Variants in CCDC171 observed in about 807,000 individuals in gnomAD.
CCDC171 encodes coiled-coil domain containing 171.
Under a neutral mutation model 168.2 loss-of-function variants are expected in CCDC171, and 177 were observed. That is an observed-to-expected ratio of 1.05 (90% CI 0.93 to 1.19). CCDC171 has a LOEUF of 1.19. CCDC171 is among the 50% of genes most tolerant of loss of function. The pLI is 0.00. For synonymous variants in CCDC171, 687 were observed against 540.8 expected (o/e 1.27, Z -3.75); for missense variants, 1,991 against 1,539.0 (o/e 1.29, Z -4.91).
At chr9:15,686,319 A>C (rs922226422) in intron 10 of CCDC171, among the ~76,000 whole-genome samples, 1 of 152,072 alleles carries the variant, frequency 6.6e-6, no homozygotes, top group Non-Finnish European at 1.5e-5. Flanking sequence ...GTGTGACTTT[A>C]GTGATATTCT....
intron 6 of CCDC171, among the ~76,000 whole-genome samples, chr9:15,604,982 A>G (rs963234507): frequency 6.6e-6 from 1 of 152,174 alleles, no homozygotes; most frequent in African/African-American, 2.4e-5. Context: ...CAGCGGGACT[A>G]TCACAGCTCA....
upstream of CCDC171, chr9:16,042,713 G>C (rs996104948): frequency 6.6e-6 from 1 of 152,102 alleles, no homozygotes; most frequent in Non-Finnish European, 1.5e-5. Context: ...GGGTGGTGAT[G>C]GAGTTTATGT....
chr9:15,627,344 TC>T (rs2045236032), intron 7 of CCDC171, among the ~76,000 whole-genome samples: 1 of 152,198 alleles, frequency 6.6e-6, no homozygotes, highest in South Asian at 2.1e-4. Flanking sequence ...CTTAATTTTT[TC>T]TTGCCTTCTG....
At chr9:16,071,373 A>G in the CCDC171 span, among the ~76,000 whole-genome samples, 7 of 152,058 alleles carry the variant, frequency 4.6e-5, no homozygotes, top group Admixed American at 4.6e-4. Flanking sequence ...CCCCTTGTCC[A>G]CTGCTGATCT....
chr9:15,943,999 C>A lies in CCDC171; in HGVS notation c.3753+23577C>A, dbSNP rs556221694. On this transcript the variant is annotated intron_variant, in intron 25 of 25. Coordinates refer to ENST00000380701, the MANE Select transcript of CCDC171 (RefSeq NM_173550.4). ...GAACTATGTGAACCGAAACAGGATG[C>A]CACTAGCCTGTAAGAGAGTAAGGTT... Among the ~76,000 whole-genome samples, 6 of 152,114 alleles carry A rather than the reference C, an allele frequency of 3.9e-5. No homozygotes were observed. The South Asian group carries it at 1.2e-3, about 32-fold the overall frequency.
At position 15,632,989 on chromosome 9, in the gene CCDC171, G is replaced by A. The variant is rs554337949; in HGVS notation, c.822+9576G>A. Among the ~76,000 whole-genome samples, 108 of 152,194 alleles carry A rather than the reference G, an allele frequency of 7.1e-4. 1 individual carries two copies. The highest frequency in any genetic ancestry group is 1.5e-3 in the East Asian group (8 of 5,184). On this transcript the variant is annotated intron_variant, in intron 7 of 25. Transcript: ENST00000380701. ...GCCATATGTAGAAAGCTGAAACTGG[G>A]TCCCTTCCTTACCCATTACACAAAA...
At chr9:15,690,383 G>A (rs917554641) in intron 10 of CCDC171, among the ~76,000 whole-genome samples, 1 of 152,164 alleles carries the variant, frequency 6.6e-6, no homozygotes, top group Non-Finnish European at 1.5e-5. Flanking sequence ...ATGGCTATCA[G>A]TATGTATGAG....
Position 15,820,127 on chromosome 9 carries a change from G to A in CCDC171, c.3268-26575G>A, listed in dbSNP as rs1411065537. ...ACAAAATGAAGGCAGAAATAAAGGT[G>A]TTCTTTGAGACCAATGAGAACAAAG... On this transcript the variant is annotated intron_variant, in intron 21 of 25. Transcript: ENST00000380701. Among the ~76,000 whole-genome samples the A allele has an allele frequency of 4.2e-5, 5 of 117,706 alleles. 1 individual carries two copies. The highest frequency in any genetic ancestry group is 7.6e-5 in the Non-Finnish European group (4 of 52,482). The allele number at this position is 117,706 out of a possible 152,430, so 77.2% of individuals were successfully genotyped here.
At chr9:15,695,832 A>G (rs1161775496) in intron 11 of CCDC171, among the ~76,000 whole-genome samples, 1 of 152,208 alleles carries the variant, frequency 6.6e-6, no homozygotes, top group Non-Finnish European at 1.5e-5. Context: ...TCCAGATAAG[A>G]ATGCTTAGGT....
intron 6 of CCDC171, among the ~76,000 whole-genome samples, chr9:15,597,635 C>G (rs1027462343): frequency 7.2e-5 from 11 of 152,094 alleles, no homozygotes; most frequent in Admixed American, 2.6e-4. Flanking sequence ...GCCAGGCTTT[C>G]CTATCAGGAT....
intron 11 of CCDC171, among the ~76,000 whole-genome samples, chr9:15,701,495 G>A (rs138829140): frequency 1.4e-4 from 21 of 151,398 alleles, no homozygotes; most frequent in South Asian, 6.3e-4. Context: ...AGTTTGCTCC[G>A]TCAGTTGACT....
At chr9:15,898,458 G>A (rs1031850117) in intron 24 of CCDC171, among the ~76,000 whole-genome samples, 1 of 152,184 alleles carries the variant, frequency 6.6e-6, no homozygotes, top group Non-Finnish European at 1.5e-5. Flanking sequence ...AATCTCTCAT[G>A]TTGAGTGTGA....
chr9:15,648,611 A>G (rs1182293947), intron 7 of CCDC171, among the ~76,000 whole-genome samples: 1 of 152,196 alleles, frequency 6.6e-6, no homozygotes, highest in African/African-American at 2.4e-5. Context: ...ATAACAGAGA[A>G]GCAGAGAGCC....
At chr9:15,582,713 A>G (rs2041229887) in intron 4 of CCDC171, among the ~76,000 whole-genome samples, 2 of 152,062 alleles carry the variant, frequency 1.3e-5, no homozygotes, top group Non-Finnish European at 1.5e-5. Context: ...GTTCTCACTC[A>G]TAAGTGGGAG....
chr9:15,901,073 A>T (rs116055007), intron 24 of CCDC171, among the ~76,000 whole-genome samples: 1,827 of 152,312 alleles, frequency 0.012, 35 homozygotes, highest in African/African-American at 0.041. Flanking sequence ...TATGCTCCAT[A>T]ACATAGAAAA....
chr9:15,601,423 C>G (rs959231751), intron 6 of CCDC171, among the ~76,000 whole-genome samples: 3 of 152,172 alleles, frequency 2.0e-5, no homozygotes, highest in African/African-American at 7.2e-5. Context: ...CTTCCCATTA[C>G]CTCTTCTGTA....
Position 15,909,715 on chromosome 9 carries a change from G to A in CCDC171, c.3601-10555G>A, listed in dbSNP as rs61600380. ...TATTAAAATATTGGAATGAAAGTAA[G>A]TCTAATAAATGAGCAACCATATCAG... On this transcript the variant is annotated intron_variant, in intron 24 of 25. Coordinates refer to ENST00000380701, the MANE Select transcript of CCDC171 (RefSeq NM_173550.4). Among the ~76,000 whole-genome samples the A allele has an allele frequency of 5.2e-3, 785 of 152,242 alleles. 3 individuals are homozygous for A. The highest frequency in any genetic ancestry group is 7.4e-3 in the Non-Finnish European group (501 of 68,022).
chr9:15,790,073 T>A (rs1391169383), intron 21 of CCDC171, among the ~76,000 whole-genome samples: 1 of 152,220 alleles, frequency 6.6e-6, no homozygotes, highest in Non-Finnish European at 1.5e-5. Flanking sequence ...TGTGCATGTG[T>A]GTTTATAGCA....
the CCDC171 span, among the ~76,000 whole-genome samples, chr9:16,074,507 C>G: frequency 1.3e-5 from 2 of 152,126 alleles, no homozygotes; most frequent in African/African-American, 4.8e-5. Flanking sequence ...ACATTGGTGA[C>G]CACCACAGAC....
Sources: allele counts gnomAD v4.1 joint callset (sites outside exome capture counted in the v4.1 genomes callset), GRCh38; gene constraint gnomAD v4.1.1; transcripts MANE v1.5; gene names NCBI Gene and HGNC (gene_info 2026-07-23, HGNC 2026-07-21).